The following SLC6A18 variants were observed in gnomAD, a reference collection of about 807,000 sequenced individuals.
SLC6A18 encodes solute carrier family 6 member 18, also known as inactive sodium-dependent neutral amino acid transporter B(0)AT3.
In SLC6A18, 58 loss-of-function variants were observed where a neutral mutation model predicts 62.9. That is an observed-to-expected ratio of 0.92 (90% CI 0.75 to 1.15). The LOEUF is 1.15. SLC6A18 is among the 50% of genes most tolerant of loss of function. SLC6A18 has a pLI of 0.00. For synonymous variants in SLC6A18, 382 were observed against 365.8 expected (o/e 1.04, Z -0.51); for missense variants, 793 against 836.6 (o/e 0.95, Z 0.64).
At chr5:1,226,579 C>T (rs1051312903) in intron 1 of SLC6A18, among the ~76,000 whole-genome samples, 1 of 152,168 alleles carries the variant, frequency 6.6e-6, no homozygotes, top group Non-Finnish European at 1.5e-5. Context: ...AGATTCTCAA[C>T]AGGCAGAAAA....
At chr5:1,236,216 CTCTT>C (rs1239205452) in intron 4 of SLC6A18, among the ~76,000 whole-genome samples, 1 of 152,066 alleles carries the variant, frequency 6.6e-6, no homozygotes, top group Admixed American at 6.6e-5. Context: ...CTTTAACTCT[CTCTT>C]GTTATTCTAG....
At chr5:1,225,779 G>A in intron 1 of SLC6A18, 142 bp downstream of exon 1, 1 of 1,025,336 alleles carries the variant, frequency 9.8e-7, no homozygotes, top group East Asian at 2.8e-5. Context: ...ATTGCCCACG[G>A]CAGAGTCAGT....
chr5:1,239,282 C>T (rs534285541), intron 5 of SLC6A18, among the ~76,000 whole-genome samples, 168 bp from the exon 6 acceptor site: 1 of 152,392 alleles, frequency 6.6e-6, no homozygotes, highest in African/African-American at 2.4e-5. Flanking sequence ...AGAGCTGCCA[C>T]TCCACACCTG....
intron 2 of SLC6A18, 111 bp downstream of exon 2, chr5:1,232,470 C>G (rs1746758094): frequency 7.0e-7 from 1 of 1,422,974 alleles, no homozygotes. Context: ...GCGGCCAGGC[C>G]AGGCCGGCGG....
chr5:1,244,188 CCCA>C, intron 9 of SLC6A18, 23 bp from the exon 10 acceptor site: 1 of 1,572,658 alleles, frequency 6.4e-7, no homozygotes, highest in Non-Finnish European at 8.7e-7. Flanking sequence ...CCCCTTACCC[CCCA>C]CACCCCTTTC....
chr5:1,226,629 A>T (rs1344143912), intron 1 of SLC6A18, among the ~76,000 whole-genome samples: 1 of 151,956 alleles, frequency 6.6e-6, no homozygotes, highest in African/African-American at 2.4e-5. Flanking sequence ...AAAAAGAAAC[A>T]CCCGTCACTG....
In SLC6A18 at chr5:1,225,576, G is replaced by A. The variant is rs778071675; in HGVS notation, c.99G>A (p.Gly33=). The change falls in exon 1 of 12, where the codon GGG becomes GGA. Residue 33 remains glycine (G), a synonymous_variant. Coordinates refer to ENST00000324642, the MANE Select transcript of SLC6A18 (RefSeq NM_182632.3). The part of the protein sequence containing the change: ...NKAQYLLSCT[G]FAVGLGNIWR... Reference sequence around the variant, plus strand: ...CCCAGTACCTCCTGAGCTGCACTGGGTTTGCCGTGGGACTGGGGAACATTT... The same window carrying A: ...CCCAGTACCTCCTGAGCTGCACTGGATTTGCCGTGGGACTGGGGAACATTT... 2.5e-5 allele frequency: 41 copies of A among 1,611,152 alleles called. No individual in the cohort carries two copies. In the South Asian group the frequency reaches 4.0e-4, roughly 16 times the overall value.
chr5:1,235,095 C>T (rs896310311), intron 3 of SLC6A18, among the ~76,000 whole-genome samples: 8 of 152,212 alleles, frequency 5.3e-5, no homozygotes, highest in African/African-American at 1.9e-4. Context: ...CAAGCACTAG[C>T]CAGCCACACA....
At position 1,244,752 on chromosome 5, in the gene SLC6A18, C is replaced by G. The variant is rs1747172887; in HGVS notation, c.1641C>G (p.Ala547=). The G allele has an allele frequency of 6.2e-7, 1 of 1,607,542 alleles. No individual in the cohort carries two copies. Among genetic ancestry groups the G allele is most frequent in the Admixed American group, 1.7e-5 (1 of 59,706 alleles). Residue 547 remains alanine, a synonymous_variant, in exon 11 of 12, where the codon GCC becomes GCG. Transcript: ENST00000324642. The part of the protein sequence containing the change: ...LLFWKPLRYK[A]WNPKYELFPS... ...TCTGGAAGCCACTGAGATACAAGGC[C>G]TGGAACCCCAAATACGTAGGTCCTT...
Position 1,242,880 on chromosome 5 carries a change from T to C in SLC6A18, c.1131+17T>C. ...CTGGATAAGGTACCTGCACACCCCC[T>C]GGGGTAGCCAGGCAGGGCCGTCCAC... On this transcript the variant is annotated intron_variant, in intron 8 of 11. Coordinates refer to ENST00000324642, the MANE Select transcript of SLC6A18 (RefSeq NM_182632.3). 3 of 1,591,664 alleles carry C rather than the reference T, an allele frequency of 1.9e-6. No homozygotes were observed. Among genetic ancestry groups the C allele is most frequent in the Non-Finnish European group, 2.6e-6 (3 of 1,167,020 alleles).
In SLC6A18 at chr5:1,240,473, C is replaced by G. The variant is rs946211912; in HGVS notation, c.846-58C>G. ...GGAAGCCCCCTCCTCACTTCCTCCC[C>G]TGGATGAGGCCCAGTTACCTCCTGC... On this transcript the variant is annotated intron_variant, in intron 6 of 11. Coordinates refer to ENST00000324642, the MANE Select transcript of SLC6A18 (RefSeq NM_182632.3). 1.0e-5 allele frequency: 16 copies of G among 1,604,290 alleles called. No individual in the cohort carries two copies. The East Asian group carries it at 3.1e-4, about 31-fold the overall frequency.
Position 1,235,620 on chromosome 5 carries a change from C to T in SLC6A18, c.579C>T (p.Val193=), listed in dbSNP as rs762007950. The T allele has an allele frequency of 4.3e-5, 70 of 1,613,820 alleles. No homozygotes were observed. Among genetic ancestry groups the T allele is most frequent in the East Asian group, 1.3e-4 (6 of 44,892 alleles). ...TCTGCTTGGCAGCCTCCTGGGCAGT[C>T]GTGTACATGTGTGTCATCAGGGGCA... ...LLICLAASWA[V]VYMCVIRGIE... The change falls in exon 4 of 12, where the codon GTC becomes GTT. Residue 193 remains valine, a synonymous_variant. Coordinates refer to ENST00000324642, the MANE Select transcript of SLC6A18 (RefSeq NM_182632.3).
At position 1,245,932 on chromosome 5, in the gene SLC6A18, T is replaced by TG. The variant is rs1199036325; in HGVS notation, c.1744dup (p.Val582GlyfsTer66). On this transcript the variant is annotated frameshift_variant, in exon 12 of 12. Coordinates refer to ENST00000324642, the MANE Select transcript of SLC6A18 (RefSeq NM_182632.3). LOFTEE classifies it low-confidence loss of function (END_TRUNC). The stretch of plus-strand genomic sequence containing the variant: ...GCTGCTGTCCTTGCTGCCCGTGCTG[T>TG]GGGTCCCGGTGGCCGCGCTTGCTCA... 6 of 1,604,422 alleles carry TG rather than the reference T, an allele frequency of 3.7e-6. No individual in the cohort carries two copies. The highest frequency in any genetic ancestry group is 5.1e-6 in the Non-Finnish European group (6 of 1,179,446).
chr5:1,236,676 C>T (rs116800353), intron 4 of SLC6A18, among the ~76,000 whole-genome samples: 6,987 of 152,190 alleles, frequency 0.046, 245 homozygotes, highest in Non-Finnish European at 0.063. Context: ...CACCCTGGAC[C>T]GTGCCTCCTG....
rs1362616560 is a variant in SLC6A18 at position 1,240,478 on chromosome 5, T to C, written c.846-53T>C. ...CCCCCTCCTCACTTCCTCCCCTGGA[T>C]GAGGCCCAGTTACCTCCTGCAAAGC... On this transcript the variant is annotated intron_variant, in intron 6 of 11. Transcript: ENST00000324642. The C allele has an allele frequency of 4.4e-6, 7 of 1,606,746 alleles. No individual in the cohort carries two copies. The East Asian group carries it at 1.6e-4, about 36-fold the overall frequency.
rs755582415 is a variant in SLC6A18 at position 1,238,061 on chromosome 5, G to T, written c.732+1G>T. The T allele has an allele frequency of 6.2e-7, 1 of 1,608,114 alleles. No homozygotes were observed. Among genetic ancestry groups the T allele is most frequent in the Admixed American group, 1.7e-5 (1 of 60,022 alleles). ...ACTCATCTACTTGTTCACTCCCAACGTAAGTGGGTCTTGGATCAAAGTTCA... is the reference window on the plus strand; with the variant it reads ...ACTCATCTACTTGTTCACTCCCAACTTAAGTGGGTCTTGGATCAAAGTTCA... On this transcript the variant is annotated splice_donor_variant, in intron 5 of 11. Transcript: ENST00000324642. LOFTEE classifies it high-confidence loss of function.
chr5:1,244,546 C>T (rs897042671), intron 10 of SLC6A18, 62 bp from the exon 11 acceptor site: 23 of 1,551,296 alleles, frequency 1.5e-5, no homozygotes, highest in Middle Eastern at 1.9e-4. Context: ...GTCCGATCCT[C>T]GGCTTGGAGT....
Position 1,240,588 on chromosome 5 carries a change from G to A in SLC6A18, c.903G>A (p.Leu301=). Residue 301 remains leucine (L), a synonymous_variant, in exon 7 of 12, where the codon CTG becomes CTA. Coordinates refer to ENST00000324642, the MANE Select transcript of SLC6A18 (RefSeq NM_182632.3). ...VIALVNRMTS[L]YASIAVFSVL... is the part of the protein sequence containing the mutation. ...CCCTGGTCAACAGGATGACCTCCCTGTACGCGTCCATCGCTGTCTTCTCTG... is the reference window on the plus strand; with the variant it reads ...CCCTGGTCAACAGGATGACCTCCCTATACGCGTCCATCGCTGTCTTCTCTG... The A allele has an allele frequency of 6.2e-7, 1 of 1,614,194 alleles. No homozygotes were observed. Among genetic ancestry groups the A allele is most frequent in the Non-Finnish European group, 8.5e-7 (1 of 1,180,030 alleles).
chr5:1,235,475 T>C lies in SLC6A18; in HGVS notation c.440-6T>C, dbSNP rs1746857827. On this transcript the variant is annotated splice_region_variant and splice_polypyrimidine_tract_variant and intron_variant, in intron 3 of 11. Coordinates refer to ENST00000324642, the MANE Select transcript of SLC6A18 (RefSeq NM_182632.3). ...AGCCAGCCTGTGACAGGCCCCCTGG[T>C]TTCAGGGTTTGTGGAGGAGTGCCAG... is the stretch of plus-strand genomic sequence containing the variant. The C allele has an allele frequency of 6.2e-7, 1 of 1,612,386 alleles. No individual in the cohort carries two copies. Among genetic ancestry groups the C allele is most frequent in the South Asian group, 1.1e-5 (1 of 91,036 alleles).
Sources: gnomAD v4.1 joint callset for allele counts (sites outside exome capture counted in the v4.1 genomes callset) on GRCh38, gnomAD v4.1.1 for gene constraint, MANE v1.5 for transcripts, NCBI Gene and HGNC (gene_info 2026-07-23, HGNC 2026-07-21) for gene names.